Variants in NIBAN1 observed in about 807,000 individuals in gnomAD.
NIBAN1 encodes the protein protein Niban 1.
NIBAN1 carries 81 observed loss-of-function variants against 75.1 expected under a neutral mutation model. The ratio of observed to expected loss-of-function variants is 1.08; its 90% CI spans 0.90 to 1.30. NIBAN1 has a LOEUF of 1.30. NIBAN1 is among the 50% of genes most tolerant of loss of function. The probability of loss-of-function intolerance (pLI) is 0.00; values close to 1 mark genes in which losing one functional copy is unlikely to be tolerated. For missense variants in NIBAN1, 1,133 were observed against 1,128.1 expected, an observed-to-expected ratio of 1.00 and a Z score of -0.06; for synonymous variants, 436 against 424.8, an observed-to-expected ratio of 1.03 and a Z score of -0.32.
At chr1:184,911,996 C>G (rs185913666) in intron 1 of NIBAN1, among the ~76,000 whole-genome samples, 2 of 152,252 alleles carry the variant, frequency 1.3e-5, no homozygotes, top group East Asian at 3.9e-4. Context: ...GGCACCACTA[C>G]GCTAAAACTG....
intron 1 of NIBAN1, among the ~76,000 whole-genome samples, chr1:184,964,121 G>A (rs1235157823): frequency 1.3e-5 from 2 of 151,904 alleles, no homozygotes; most frequent in Non-Finnish European, 2.9e-5. Flanking sequence ...GTTCAGTTCA[G>A]TTCTACCATT....
intron 1 of NIBAN1, among the ~76,000 whole-genome samples, chr1:184,935,571 T>G (rs1432234081): frequency 1.3e-5 from 2 of 152,112 alleles, no homozygotes; most frequent in Non-Finnish European, 2.9e-5. Flanking sequence ...CTGATTGAGC[T>G]TGGAAGGTCT....
In NIBAN1 at chr1:184,818,703, C is replaced by T. The variant is rs1195867749; in HGVS notation, c.1108G>A (p.Glu370Lys). The T allele has an allele frequency of 6.2e-7, 1 of 1,612,910 alleles. No individual in the cohort carries two copies. The change falls in exon 9 of 14, where the codon GAG becomes AAG. Residue 370 changes from glutamate (E) to lysine (K), a missense_variant. Transcript: ENST00000367511. ...TGGCTGACTTCATTCACCTCTTTCT[C>T]AAAGAGTACACGTACTTCACTGAAT... ...SGFSEVRVLF[E>K]KEVNEVSQNF...
chr1:184,913,068 C>T (rs1232677564), intron 1 of NIBAN1, among the ~76,000 whole-genome samples: 4 of 150,250 alleles, frequency 2.7e-5, no homozygotes, highest in South Asian at 4.2e-4. Context: ...GATACTTGGG[C>T]AGTTTCCTTT....
At chr1:184,878,851 A>C (rs1205653558) in intron 5 of NIBAN1, among the ~76,000 whole-genome samples, 1 of 152,200 alleles carries the variant, frequency 6.6e-6, no homozygotes, top group Non-Finnish European at 1.5e-5. Context: ...GAGCCTTATC[A>C]TAATTAAACC....
At chr1:184,971,723 A>G (rs1275014668) in intron 1 of NIBAN1, among the ~76,000 whole-genome samples, 1 of 152,218 alleles carries the variant, frequency 6.6e-6, no homozygotes, top group African/African-American at 2.4e-5. Flanking sequence ...AGACTAACAT[A>G]TGACACAGCT....
intron 1 of NIBAN1, among the ~76,000 whole-genome samples, chr1:184,938,330 T>C (rs937125634): frequency 6.6e-6 from 1 of 151,298 alleles, no homozygotes. Context: ...TAGTGGGGGG[T>C]TGTTTGTGGC....
In NIBAN1 at chr1:184,794,992, C is replaced by T; in HGVS notation, c.2772G>A (p.Leu924=). Residue 924 remains leucine (L), a synonymous_variant, in exon 14 of 14, where the codon CTG becomes CTA. Coordinates refer to ENST00000367511, the MANE Select transcript of NIBAN1 (RefSeq NM_052966.4). The part of the protein sequence containing the change: ...GEGGQESFPE[L]PSEE ...ATTGTCCCTTTCACTCCTCTGAGGG[C>T]AGCTCTGGGAAACTCTCCTGACCAC... 6 of 1,610,756 alleles carry T rather than the reference C, an allele frequency of 3.7e-6. No homozygotes were observed. The highest frequency in any genetic ancestry group is 5.1e-6 in the Non-Finnish European group (6 of 1,180,016).
intron 1 of NIBAN1, among the ~76,000 whole-genome samples, chr1:184,967,326 C>T (rs1012299238): frequency 6.6e-6 from 1 of 151,860 alleles, no homozygotes; most frequent in Admixed American, 6.6e-5. Flanking sequence ...ATTCTCCTGT[C>T]TTCCTTTCCA....
intron 1 of NIBAN1, among the ~76,000 whole-genome samples, chr1:184,927,645 C>G (rs1657714611): frequency 6.6e-6 from 1 of 152,118 alleles, no homozygotes; most frequent in Admixed American, 6.5e-5. Flanking sequence ...CCTGTGATAA[C>G]CACTGCCTGC....
At position 184,826,046 on chromosome 1, in the gene NIBAN1, G is replaced by A. The variant is rs147442445; in HGVS notation, c.718-2304C>T. 9.9e-5 allele frequency among the ~76,000 whole-genome samples: 15 copies of A among 152,262 alleles called. No individual in the cohort carries two copies. The East Asian group carries it at 2.1e-3, about 22-fold the overall frequency. ...TCTTGCCTTTAATCAGGGCTCTGTC[G>A]CAGCAAGGTGTAACGCTTTCACTGA... On this transcript the variant is annotated intron_variant, in intron 6 of 13. Transcript: ENST00000367511.
chr1:184,800,146 G>A (rs1402638775), intron 12 of NIBAN1, among the ~76,000 whole-genome samples: 32 of 149,790 alleles, frequency 2.1e-4, no homozygotes, highest in African/African-American at 6.5e-4. Context: ...TGTGTTTTTT[G>A]GCTGCATAAA....
At chr1:184,855,127 A>C (rs1274151964) in intron 5 of NIBAN1, among the ~76,000 whole-genome samples, 2 of 152,236 alleles carry the variant, frequency 1.3e-5, no homozygotes, top group African/African-American at 4.8e-5. Flanking sequence ...TTAAATGTCC[A>C]ATCCATTTCC....
chr1:184,870,784 C>T (rs1055073100), intron 5 of NIBAN1, among the ~76,000 whole-genome samples: 1 of 152,144 alleles, frequency 6.6e-6, no homozygotes, highest in Non-Finnish European at 1.5e-5. Flanking sequence ...ATACCGTAAC[C>T]AACCCTCTTA....
intron 1 of NIBAN1, among the ~76,000 whole-genome samples, chr1:184,944,957 G>A (rs1408585316): frequency 6.6e-6 from 1 of 152,114 alleles, no homozygotes; most frequent in Non-Finnish European, 1.5e-5. Flanking sequence ...ATGGTAATGA[G>A]GACACAGAGG....
At chr1:184,954,780 G>A (rs1038105308) in intron 1 of NIBAN1, among the ~76,000 whole-genome samples, 10 of 152,200 alleles carry the variant, frequency 6.6e-5, no homozygotes, top group Non-Finnish European at 1.3e-4. Context: ...CCAGGAGTGT[G>A]GAGACCTGAA....
In NIBAN1 at chr1:184,796,108, T is replaced by G. The variant is rs757347345; in HGVS notation, c.1667-11A>C. The G allele has an allele frequency of 1.3e-6, 2 of 1,494,390 alleles. No homozygotes were observed. The highest frequency in any genetic ancestry group is 2.7e-5 in the South Asian group (2 of 74,972). The allele number at this position is 1,494,390 out of a possible 1,614,324, so 92.6% of individuals were successfully genotyped here. A position where few individuals can be genotyped will look rare whatever the true frequency, so the allele number is the denominator to read the frequency against. ...CAGCTTCCTTTATCACTGAGAGATA[T>G]CAGAAAACAAAACATGATTTTCTGA... On this transcript the variant is annotated splice_polypyrimidine_tract_variant and intron_variant, in intron 13 of 13. Transcript: ENST00000367511.
intron 9 of NIBAN1, among the ~76,000 whole-genome samples, chr1:184,809,086 G>A (rs1654292205): frequency 6.6e-6 from 1 of 152,168 alleles, no homozygotes; most frequent in African/African-American, 2.4e-5. Flanking sequence ...GGGGAGTGAG[G>A]CAGGTTACAT....
At chr1:184,960,259 A>C (rs138711177) in intron 1 of NIBAN1, among the ~76,000 whole-genome samples, 2 of 152,298 alleles carry the variant, frequency 1.3e-5, no homozygotes, top group East Asian at 3.9e-4. Flanking sequence ...ATTTAGATGC[A>C]AGATCCCCTC....
Sources: allele counts gnomAD v4.1 joint callset (sites outside exome capture counted in the v4.1 genomes callset), GRCh38; gene constraint gnomAD v4.1.1; transcripts MANE v1.5; gene names NCBI Gene and HGNC (gene_info 2026-07-23, HGNC 2026-07-21).